The following SBK1 variants were observed in gnomAD, a reference collection of about 807,000 sequenced individuals.
SBK1 encodes SH3 domain binding kinase 1.
SBK1 carries 11 observed loss-of-function variants against 24.4 expected under a neutral mutation model. That is an observed-to-expected ratio of 0.45 (90% CI 0.28 to 0.75). SBK1 has a LOEUF of 0.75. Among genes scored for constraint, SBK1 ranks in the 30% least tolerant of loss-of-function variants. The probability of loss-of-function intolerance (pLI) is 0.12; values close to 1 mark genes in which losing one functional copy is unlikely to be tolerated. For missense variants in SBK1, 467 were observed against 620.5 expected (o/e 0.75, Z 2.63); for synonymous variants, 308 against 284.4 (o/e 1.08, Z -0.83).
At chr16:28,298,264 C>A (rs932751063) in intron 1 of SBK1, among the ~76,000 whole-genome samples, 3 of 152,214 alleles carry the variant, frequency 2.0e-5, no homozygotes, top group Non-Finnish European at 4.4e-5. Flanking sequence ...CAGCTCAGCC[C>A]CACCTTGGGA....
intron 1 of SBK1, chr16:28,287,195 C>T (rs944333090): frequency 6.6e-6 from 1 of 150,874 alleles, no homozygotes; most frequent in East Asian, 1.9e-4. Flanking sequence ...CATCCCAGCA[C>T]TTTGGGAGGC....
In SBK1 at chr16:28,322,900, C is replaced by T. The variant is rs1186734756; in HGVS notation, c.*1979C>T. 6.8e-6 allele frequency: 1 copy of T among 146,334 alleles called. No homozygotes were observed. The highest frequency in any genetic ancestry group is 7.0e-5 in the Admixed American group (1 of 14,260). The allele number at this position is 146,334 out of a possible 1,614,324, so 9.1% of individuals were successfully genotyped here. A position where few individuals can be genotyped will look rare whatever the true frequency, so the allele number is the denominator to read the frequency against. On this transcript the variant is annotated 3_prime_UTR_variant, in exon 4 of 4. Transcript: ENST00000341901. ...CACAGTAGACGTCCCTTGCCGTGCT[C>T]GCTCTCTCTCTCGCGCGCGCTCTCT...
At chr16:28,318,948 G>C in intron 2 of SBK1, 47 bp from the exon 3 acceptor site, 1 of 1,386,340 alleles carries the variant, frequency 7.2e-7, no homozygotes, top group South Asian at 1.2e-5. Context: ...CCAGTGCGGA[G>C]GCACTGGGAG....
chr16:28,287,640 GTTT>G (rs746806293), upstream of SBK1, among the ~76,000 whole-genome samples: 65 of 151,226 alleles, frequency 4.3e-4, no homozygotes, highest in Non-Finnish European at 8.5e-4. Context: ...TTCTTTTTTT[GTTT>G]TTGTTTGTTT....
chr16:28,287,635 T>G (rs1032141535), upstream of SBK1, among the ~76,000 whole-genome samples: 4 of 151,516 alleles, frequency 2.6e-5, no homozygotes, highest in Non-Finnish European at 5.9e-5. Flanking sequence ...GCTACTTCTT[T>G]TTTTGTTTTT....
upstream of SBK1, among the ~76,000 whole-genome samples, chr16:28,288,729 T>C (rs1385248756): frequency 6.6e-6 from 1 of 152,184 alleles, no homozygotes; most frequent in Non-Finnish European, 1.5e-5. Context: ...AAAGCAGCCC[T>C]GCCCTCTCTG....
Position 28,263,581 on chromosome 16 carries a change from A to T in SBK1, c.257+4079A>T, listed in dbSNP as rs796707147. On this transcript the variant is annotated intron_variant, in intron 1 of 3. Coordinates refer to the SBK1 transcript ENST00000671413. Reference sequence around the variant, plus strand: ...TGACAAGAGGCAGGGCAGGAGGGACAGGAACAGTCAGGCCACGCAGGCCTT... The same window carrying T: ...TGACAAGAGGCAGGGCAGGAGGGACTGGAACAGTCAGGCCACGCAGGCCTT... Among the ~76,000 whole-genome samples the T allele has an allele frequency of 4.6e-5, 7 of 152,350 alleles. 1 individual carries two copies. Among genetic ancestry groups the T allele is most frequent in the African/African-American group, 1.7e-4 (7 of 41,584 alleles).
chr16:28,293,225 C>T lies in SBK1; in HGVS notation c.-83C>T, dbSNP rs952817291. The T allele has an allele frequency of 1.1e-5, 11 of 985,186 alleles. No individual in the cohort carries two copies. Among genetic ancestry groups the T allele is most frequent in the African/African-American group, 1.7e-5 (1 of 57,210 alleles). 61.0% of individuals were successfully genotyped at this position (985,186 alleles called of 1,614,324 possible). On this transcript the variant is annotated 5_prime_UTR_variant, in exon 1 of 4. Coordinates refer to ENST00000341901, the MANE Select transcript of SBK1 (RefSeq NM_001024401.3). ...CGGTCCATGGTCGTGGCGCCCTGAG[C>T]CCCCGGGGCCGGGCAGACGAAGACC...
chr16:28,271,981 C>G (rs2044468378), intron 1 of SBK1, among the ~76,000 whole-genome samples: 2 of 152,182 alleles, frequency 1.3e-5, no homozygotes, highest in South Asian at 4.1e-4. Flanking sequence ...ACAGAAAATC[C>G]TGCACATGAA....
rs1226696574 is a variant in SBK1 at position 28,322,917 on chromosome 16, GCGCTCTCTCT to G, written c.*1998_*2007del. 1 of 117,152 alleles carries G rather than the reference GCGCTCTCTCT, an allele frequency of 8.5e-6. No homozygotes were observed. Among genetic ancestry groups the G allele is most frequent in the Non-Finnish European group, 1.8e-5 (1 of 55,888 alleles). 7.3% of individuals were successfully genotyped at this position (117,152 alleles called of 1,614,324 possible). ...GCCGTGCTCGCTCTCTCTCTCGCGC[GCGCTCTCTCT>G]CTCCCTCTCTCTCTCTCTCTCTCTC... On this transcript the variant is annotated 3_prime_UTR_variant, in exon 4 of 4. Transcript: ENST00000341901.
At chr16:28,271,008 C>T (rs911251060) in intron 1 of SBK1, among the ~76,000 whole-genome samples, 4 of 151,832 alleles carry the variant, frequency 2.6e-5, no homozygotes, top group South Asian at 2.1e-4. Flanking sequence ...GGACTACAGG[C>T]GCCCGCCACC....
chr16:28,300,725 A>AT (rs1247063702), intron 1 of SBK1, among the ~76,000 whole-genome samples: 7 of 152,336 alleles, frequency 4.6e-5, no homozygotes, highest in African/African-American at 1.7e-4. Flanking sequence ...ATGAGTCAAT[A>AT]TATATACAGT....
chr16:28,316,905 T>A (rs2055390), intron 1 of SBK1, among the ~76,000 whole-genome samples: 45,698 of 151,848 alleles, frequency 0.3, 8,614 homozygotes, highest in South Asian at 0.6. Context: ...ACAAGCCGGG[T>A]GCAGTAGCTC....
At chr16:28,306,815 G>A (rs2044719562) in intron 1 of SBK1, among the ~76,000 whole-genome samples, 2 of 152,342 alleles carry the variant, frequency 1.3e-5, no homozygotes, top group South Asian at 4.1e-4. Flanking sequence ...ACGTGTTTGG[G>A]AAATTGTAAC....
chr16:28,289,280 C>T (rs2044584635), upstream of SBK1, among the ~76,000 whole-genome samples: 1 of 152,216 alleles, frequency 6.6e-6, no homozygotes, highest in South Asian at 2.1e-4. Context: ...ATTTACGGCA[C>T]TAAGGCCTTG....
upstream of SBK1, among the ~76,000 whole-genome samples, chr16:28,289,807 T>C (rs1238094270): frequency 6.7e-6 from 1 of 148,310 alleles, no homozygotes; most frequent in Admixed American, 6.7e-5. Flanking sequence ...ATGTCAGGGC[T>C]GGGCGTGGTG....
At position 28,280,137 on chromosome 16, in the gene SBK1, A is replaced by G. The variant is rs1373760704; in HGVS notation, c.257+20635A>G. On this transcript the variant is annotated intron_variant, in intron 1 of 3. Transcript: ENST00000671413. ...AAACTATATATATATATATATATAT[A>G]TATATATATATATGTGTGTGTGTGT... Among the ~76,000 whole-genome samples, 172 of 59,102 alleles carry G rather than the reference A, an allele frequency of 2.9e-3. 2 individuals carry two copies. Among genetic ancestry groups the G allele is most frequent in the Non-Finnish European group, 5.9e-3 (135 of 23,008 alleles). 38.8% of individuals were successfully genotyped at this position (59,102 alleles called of 152,430 possible). A position where few individuals can be genotyped will look rare whatever the true frequency, so the allele number is the denominator to read the frequency against.
chr16:28,320,232 G>T lies in SBK1; in HGVS notation c.586G>T (p.Gly196Cys). The T allele has an allele frequency of 6.3e-7, 1 of 1,592,904 alleles. No homozygotes were observed. Among genetic ancestry groups the T allele is most frequent in the Non-Finnish European group, 8.5e-7 (1 of 1,175,108 alleles). ...ECRRVKLADFGMTRRVGCRVK... is the reference protein window; with the variant it reads ...ECRRVKLADFCMTRRVGCRVK... ...CCGCCGCGTAAAGCTGGCCGACTTC[G>T]GCATGACGCGCCGCGTGGGCTGCCG... Residue 196 changes from glycine (G) to cysteine (C), a missense_variant, in exon 4 of 4, where the codon GGC becomes TGC. Physicochemically the swap from Gly to Cys is radical, Grantham distance 159 (BLOSUM62 -3). Around this residue, in one of 4 missense-constraint regions of SBK1, gnomAD observed 92 missense variants for 193.8 expected, o/e 0.47. Transcript: ENST00000341901. This position sits in a 1 kb window ranked among gnomAD's most constrained non-coding sequence, Gnocchi z 8.5.
intron 1 of SBK1, among the ~76,000 whole-genome samples, chr16:28,279,316 T>C (rs139250298): frequency 6.6e-6 from 1 of 151,188 alleles, no homozygotes; most frequent in Non-Finnish European, 1.5e-5. Context: ...GGAGGATCAC[T>C]TGAGCCCCAA....
Sources: allele counts gnomAD v4.1 joint callset (sites outside exome capture counted in the v4.1 genomes callset), GRCh38; gene constraint gnomAD v4.1.1; regional missense constraint gnomAD v4.1.1; non-coding constraint Gnocchi (gnomAD v3.1); transcripts MANE v1.5; gene names NCBI Gene and HGNC (gene_info 2026-07-23, HGNC 2026-07-21).